Variants in PCDH7 observed in about 807,000 individuals in gnomAD.
PCDH7 encodes the protein protocadherin-7.
In PCDH7, 17 loss-of-function variants were observed where a neutral mutation model predicts 58.9. The ratio of observed to expected loss-of-function variants is 0.29; its 90% CI spans 0.20 to 0.43. The LOEUF is 0.43. Among genes scored for constraint, PCDH7 ranks in the 20% least tolerant of loss-of-function variants. The probability of loss-of-function intolerance (pLI) is 1.00; values close to 1 mark genes in which losing one functional copy is unlikely to be tolerated. For missense variants in PCDH7, 1,274 were observed against 1,441.0 expected (o/e 0.88, Z 1.88); for synonymous variants, 664 against 616.4 (o/e 1.08, Z -1.14).
chr4:30,989,976 T>C (rs1296485597), intron 3 of PCDH7, among the ~76,000 whole-genome samples: 4 of 152,102 alleles, frequency 2.6e-5, no homozygotes, highest in Non-Finnish European at 5.9e-5. Context: ...ATATATGTGG[T>C]ACCTGGAAAT....
intron 2 of PCDH7, among the ~76,000 whole-genome samples, chr4:30,949,886 C>A (rs897041608): frequency 7.1e-6 from 1 of 140,902 alleles, no homozygotes; most frequent in African/African-American, 2.4e-5. Flanking sequence ...TTGTAGCAGC[C>A]AACTGGGTCC....
chr4:30,782,732 A>G (rs2109290680), intron 1 of PCDH7, among the ~76,000 whole-genome samples: 1 of 152,324 alleles, frequency 6.6e-6, no homozygotes, highest in South Asian at 2.1e-4. Context: ...GTATGATTGG[A>G]CAAAAGAGAT....
chr4:30,928,127 C>G (rs1214461337), intron 2 of PCDH7, among the ~76,000 whole-genome samples: 1 of 152,112 alleles, frequency 6.6e-6, no homozygotes, highest in Admixed American at 6.5e-5. Context: ...AGTCATGCAC[C>G]TGTTCAAGGC....
chr4:31,093,861 G>T (rs1395700636), intron 3 of PCDH7, among the ~76,000 whole-genome samples: 1 of 151,978 alleles, frequency 6.6e-6, no homozygotes, highest in Admixed American at 6.6e-5. Context: ...TAAAATAAAA[G>T]ATCACAATAT....
At chr4:30,909,087 T>G (rs1420325922) in intron 1 of PCDH7, among the ~76,000 whole-genome samples, 1 of 152,162 alleles carries the variant, frequency 6.6e-6, no homozygotes, top group African/African-American at 2.4e-5. Context: ...AATGACATGA[T>G]TATCTCAATG....
At chr4:31,035,635 T>C (rs571662777) in intron 3 of PCDH7, among the ~76,000 whole-genome samples, 19 of 152,320 alleles carry the variant, frequency 1.2e-4, no homozygotes, top group Non-Finnish European at 1.0e-4. Context: ...GCAGGTTGCA[T>C]GCAAATTACT....
chr4:30,967,546 T>C (rs1263609542), intron 3 of PCDH7, among the ~76,000 whole-genome samples: 1 of 152,122 alleles, frequency 6.6e-6, no homozygotes, highest in Non-Finnish European at 1.5e-5. Flanking sequence ...TAAACTGAAG[T>C]GCGCTCTCAA....
chr4:31,122,232 C>T (rs1244646714), intron 3 of PCDH7, among the ~76,000 whole-genome samples: 1 of 152,100 alleles, frequency 6.6e-6, no homozygotes, highest in African/African-American at 2.4e-5. Flanking sequence ...CCCACGTGCT[C>T]TTTGGAAGCC....
At chr4:31,010,450 A>G (rs1241759681) in intron 3 of PCDH7, among the ~76,000 whole-genome samples, 1 of 151,970 alleles carries the variant, frequency 6.6e-6, no homozygotes, top group African/African-American at 2.4e-5. Flanking sequence ...AAGGATTGTA[A>G]CAGATCTAAA....
chr4:31,100,867 T>C (rs1376769080), intron 3 of PCDH7, among the ~76,000 whole-genome samples: 3 of 152,214 alleles, frequency 2.0e-5, no homozygotes, highest in Admixed American at 2.0e-4. Context: ...ATGTGGAAAA[T>C]TGGTTTCATA....
chr4:31,088,187 G>A (rs1178482820), intron 3 of PCDH7, among the ~76,000 whole-genome samples: 1 of 152,022 alleles, frequency 6.6e-6, no homozygotes, highest in African/African-American at 2.4e-5. Context: ...CATTCATAAT[G>A]AGATTATTTG....
At chr4:30,867,165 C>T (rs751073679) in intron 1 of PCDH7, among the ~76,000 whole-genome samples, 2 of 151,936 alleles carry the variant, frequency 1.3e-5, no homozygotes, top group Admixed American at 6.6e-5. Context: ...CTGTGACTTC[C>T]CAGAAATGTA....
At chr4:30,964,450 CCAGGATGGTGT>C (rs1455470619) in intron 3 of PCDH7, among the ~76,000 whole-genome samples, 7 of 151,872 alleles carry the variant, frequency 4.6e-5, no homozygotes, top group African/African-American at 1.7e-4. Flanking sequence ...ACCGTGTTAG[CCAGGATGGTGT>C]CAATCTCCTG....
At chr4:30,749,433 T>TG (rs1718214029) in intron 1 of PCDH7, among the ~76,000 whole-genome samples, 1 of 152,148 alleles carries the variant, frequency 6.6e-6, no homozygotes, top group Non-Finnish European at 1.5e-5. Flanking sequence ...GAACAGTCTC[T>TG]GGAACTCTGA....
rs577720690 is a variant in PCDH7 at position 30,889,258 on chromosome 4, A to C, written c.71-30895A>C. Among the ~76,000 whole-genome samples, 3 of 152,040 alleles carry C rather than the reference A, an allele frequency of 2.0e-5. No individual in the cohort carries two copies. In the South Asian group the frequency reaches 6.3e-4, roughly 32 times the overall value. ...CACTTTAATTAAGCATTTATGACGT[A>C]GTTTGAAAGTAACTGCAGGCAGTTA... On this transcript the variant is annotated intron_variant, in intron 1 of 3. Coordinates refer to the PCDH7 transcript ENST00000509759.
At chr4:30,986,989 T>G (rs1338958459) in intron 3 of PCDH7, among the ~76,000 whole-genome samples, 3 of 150,102 alleles carry the variant, frequency 2.0e-5, no homozygotes, top group Non-Finnish European at 4.5e-5. Flanking sequence ...CAAAAAAAAA[T>G]AAGAAAGATA....
At chr4:30,945,714 A>G (rs1746591970) in intron 2 of PCDH7, among the ~76,000 whole-genome samples, 1 of 151,932 alleles carries the variant, frequency 6.6e-6, no homozygotes, top group Non-Finnish European at 1.5e-5. Flanking sequence ...TTTGTTCTTC[A>G]CTTTAAAAGG....
At chr4:30,837,307 G>A (rs1560421021) in intron 1 of PCDH7, among the ~76,000 whole-genome samples, 1 of 152,090 alleles carries the variant, frequency 6.6e-6, no homozygotes, top group Non-Finnish European at 1.5e-5. Context: ...TGCATGGACT[G>A]TCTGATTTGA....
intron 3 of PCDH7, among the ~76,000 whole-genome samples, chr4:31,073,159 G>C (rs2109255674): frequency 6.6e-6 from 1 of 152,252 alleles, no homozygotes; most frequent in East Asian, 1.9e-4. Context: ...AAAGGGCATA[G>C]TTTTTTGGGG....
Sources: gnomAD v4.1 joint callset for allele counts (sites outside exome capture counted in the v4.1 genomes callset) on GRCh38, gnomAD v4.1.1 for gene constraint, MANE v1.5 for transcripts, NCBI Gene and HGNC (gene_info 2026-07-23, HGNC 2026-07-21) for gene names.